Variants in C1orf87 observed in about 807,000 individuals in gnomAD.
The protein encoded by C1orf87 is uncharacterized protein C1orf87.
Under a neutral mutation model 60.5 loss-of-function variants are expected in C1orf87, and 58 were observed. The observed-to-expected ratio is 0.96, with a 90% CI of 0.78 to 1.19. The LOEUF is 1.19. C1orf87 is among the 50% of genes most tolerant of loss of function. The pLI is 0.00. For missense variants in C1orf87, 673 were observed against 638.6 expected, an observed-to-expected ratio of 1.05 and a Z score of -0.58; for synonymous variants, 236 against 227.4, an observed-to-expected ratio of 1.04 and a Z score of -0.34.
chr1:60,035,122 C>A (rs1334663943), intron 6 of C1orf87, among the ~76,000 whole-genome samples: 2 of 152,174 alleles, frequency 1.3e-5, no homozygotes, highest in Non-Finnish European at 2.9e-5. Flanking sequence ...ATGAGACAGT[C>A]CACCTCTCAC....
At chr1:60,060,881 T>C (rs1645491992) in intron 2 of C1orf87, among the ~76,000 whole-genome samples, 1 of 152,224 alleles carries the variant, frequency 6.6e-6, no homozygotes, top group Non-Finnish European at 1.5e-5. Context: ...GGCTAAAATG[T>C]AAATCTGGGA....
At chr1:60,002,608 T>G (rs1645013761) in intron 9 of C1orf87, among the ~76,000 whole-genome samples, 1 of 152,098 alleles carries the variant, frequency 6.6e-6, no homozygotes, top group African/African-American at 2.4e-5. Context: ...TGGTAGTTTC[T>G]TTTGCTGTGC....
chr1:60,073,125 C>T lies in C1orf87; in HGVS notation c.-27-455G>A, dbSNP rs577320821. ...TTATGAGATCAGGGTAATTCTAGGT[C>T]TGTTCTCAGGGACTTGAGGGTGAAT... On this transcript the variant is annotated intron_variant, in intron 1 of 11. Coordinates refer to ENST00000371201, the MANE Select transcript of C1orf87 (RefSeq NM_152377.3). Among the ~76,000 whole-genome samples the T allele has an allele frequency of 7.9e-4, 121 of 152,304 alleles. 1 individual carries two copies. Among genetic ancestry groups the T allele is most frequent in the African/African-American group, 2.8e-3 (117 of 41,578 alleles).
chr1:60,047,889 G>T (rs1002527176), intron 3 of C1orf87, among the ~76,000 whole-genome samples: 1 of 151,790 alleles, frequency 6.6e-6, no homozygotes, highest in Non-Finnish European at 1.5e-5. Context: ...TTCCACTAGG[G>T]ATATGCAATG....
chr1:60,031,378 G>A (rs931968301), intron 7 of C1orf87, among the ~76,000 whole-genome samples: 4 of 152,140 alleles, frequency 2.6e-5, no homozygotes, highest in African/African-American at 9.7e-5. Flanking sequence ...CAGCTTCAAG[G>A]AAAATGTACC....
chr1:59,992,227 T>TTTATTTAA (rs1293499748), intron 11 of C1orf87, among the ~76,000 whole-genome samples: 1 of 89,804 alleles, frequency 1.1e-5, no homozygotes, highest in Non-Finnish European at 2.5e-5. Flanking sequence ...TAGGGGTCTA[T>TTTATTTAA]TTATTTATTT....
intron 3 of C1orf87, among the ~76,000 whole-genome samples, chr1:60,050,186 C>A (rs1380492675): frequency 6.6e-6 from 1 of 151,770 alleles, no homozygotes; most frequent in Non-Finnish European, 1.5e-5. Context: ...TGTTGGAATC[C>A]CAACAAATTT....
At chr1:60,067,625 C>T (rs1247523020) in intron 2 of C1orf87, among the ~76,000 whole-genome samples, 1 of 141,828 alleles carries the variant, frequency 7.1e-6, no homozygotes, top group African/African-American at 2.6e-5. Context: ...GACATTAGCC[C>T]TTTGTCAGAT....
intron 3 of C1orf87, among the ~76,000 whole-genome samples, chr1:60,045,211 G>T (rs1645357690): frequency 6.6e-6 from 1 of 152,070 alleles, no homozygotes; most frequent in Admixed American, 6.5e-5. Context: ...AAGGTACTGG[G>T]GTGTTCTAGA....
At chr1:60,057,535 G>A (rs1645465875) in intron 2 of C1orf87, among the ~76,000 whole-genome samples, 1 of 152,210 alleles carries the variant, frequency 6.6e-6, no homozygotes, top group Non-Finnish European at 1.5e-5. Flanking sequence ...CAGAAAAGGA[G>A]AGGATATCAT....
At chr1:60,062,747 A>G (rs1645505833) in intron 2 of C1orf87, among the ~76,000 whole-genome samples, 1 of 152,180 alleles carries the variant, frequency 6.6e-6, no homozygotes, top group Non-Finnish European at 1.5e-5. Context: ...CATATGTTGT[A>G]AACAGTATTT....
At chr1:60,029,900 A>G (rs920069098) in intron 7 of C1orf87, among the ~76,000 whole-genome samples, 4 of 151,802 alleles carry the variant, frequency 2.6e-5, no homozygotes, top group Non-Finnish European at 2.9e-5. Flanking sequence ...TAGCCTCCCA[A>G]CGTGCTGGGA....
At chr1:60,023,879 C>G (rs571479676) in intron 8 of C1orf87, among the ~76,000 whole-genome samples, 3 of 152,146 alleles carry the variant, frequency 2.0e-5, no homozygotes, top group Non-Finnish European at 2.9e-5. Flanking sequence ...GAATGTCTCT[C>G]TGTTGTGAAT....
intron 9 of C1orf87, chr1:60,008,960 A>G (rs1477389892): frequency 3.1e-5 from 7 of 224,010 alleles, no homozygotes; most frequent in African/African-American, 9.2e-5. Context: ...CCCTTCCTCT[A>G]TGTTCCCTTA....
At chr1:60,007,169 C>A (rs1426336558) in intron 9 of C1orf87, among the ~76,000 whole-genome samples, 1 of 152,078 alleles carries the variant, frequency 6.6e-6, no homozygotes, top group Non-Finnish European at 1.5e-5. Flanking sequence ...ACTTAGGCCT[C>A]TCAAAGTGTT....
intron 9 of C1orf87, among the ~76,000 whole-genome samples, chr1:60,005,507 T>C (rs1306360439): frequency 6.6e-6 from 1 of 152,096 alleles, no homozygotes; most frequent in Non-Finnish European, 1.5e-5. Flanking sequence ...AATTCATCAA[T>C]GACCTCTTTA....
intron 8 of C1orf87, among the ~76,000 whole-genome samples, chr1:60,023,576 G>C (rs2100273468): frequency 6.6e-6 from 1 of 152,208 alleles, no homozygotes; most frequent in Admixed American, 6.5e-5. Context: ...ATAATACAGA[G>C]AATTTTCATA....
rs57844722 is a variant in C1orf87 at position 60,061,776 on chromosome 1, C to CAAAAAAAA, written c.108-6346_108-6339dup. On this transcript the variant is annotated intron_variant, in intron 2 of 11. Coordinates refer to ENST00000371201, the MANE Select transcript of C1orf87 (RefSeq NM_152377.3). ...CAACATGGCCAAACCCCATCTCTAC[C>CAAAAAAAA]AAAAAAAAAAAAAAAAAAAAAAAAA... 1.7e-4 allele frequency among the ~76,000 whole-genome samples: 9 copies of CAAAAAAAA among 53,172 alleles called. 1 individual carries two copies. Among genetic ancestry groups the CAAAAAAAA allele is most frequent in the Admixed American group, 5.3e-4 (2 of 3,762 alleles). The allele number at this position is 53,172 out of a possible 152,430, so 34.9% of individuals were successfully genotyped here.
At chr1:60,050,019 A>T (rs1216872408) in intron 3 of C1orf87, among the ~76,000 whole-genome samples, 1 of 152,052 alleles carries the variant, frequency 6.6e-6, no homozygotes, top group Non-Finnish European at 1.5e-5. Context: ...TTTTTGTTTT[A>T]ATATCTGGTA....
Sources: allele counts gnomAD v4.1 joint callset (sites outside exome capture counted in the v4.1 genomes callset), GRCh38; gene constraint gnomAD v4.1.1; transcripts MANE v1.5; gene names NCBI Gene and HGNC (gene_info 2026-07-23, HGNC 2026-07-21).